The following NTRK1 variants were observed in gnomAD, a reference collection of about 807,000 sequenced individuals.
NTRK1 encodes the protein neurotrophic receptor tyrosine kinase 1.
In NTRK1, 62 loss-of-function variants were observed where a neutral mutation model predicts 86.8. That is an observed-to-expected ratio of 0.71 (90% confidence interval 0.58 to 0.88). The LOEUF (loss-of-function observed/expected upper bound fraction) is 0.88, where lower values mean the gene tolerates loss of function less well. Ranked by LOEUF, NTRK1 falls within the 40% of genes least tolerant of loss-of-function variation. The pLI is 0.00. For synonymous variants in NTRK1, 469 were observed against 456.6 expected (o/e 1.03, Z -0.35); for missense variants, 967 against 1,078.4 (o/e 0.90, Z 1.45).
At chr1:156,816,886 G>T in intron 1 of NTRK1, 1 of 484,602 alleles carries the variant, frequency 2.1e-6, no homozygotes, top group Non-Finnish European at 3.5e-6. Context: ...TAAGACGATT[G>T]TCCCACCCCC....
chr1:156,818,742 G>A (rs1347475028), intron 1 of NTRK1, among the ~76,000 whole-genome samples: 1 of 152,156 alleles, frequency 6.6e-6, no homozygotes. Context: ...ACTTAGGTTG[G>A]TTTCATATCT....
At chr1:156,844,231 C>G (rs1227503710) in intron 2 of NTRK1, 2 of 1,613,934 alleles carry the variant, frequency 1.2e-6, no homozygotes, top group Admixed American at 3.3e-5. Context: ...GCGTGAGCCC[C>G]ACAGGGGTGG....
At chr1:156,817,047 T>TTCTCTCTCTCTCTCTTTC (rs1654010854) in intron 1 of NTRK1, among the ~76,000 whole-genome samples, 1 of 113,782 alleles carries the variant, frequency 8.8e-6, no homozygotes, top group Non-Finnish European at 1.8e-5. Context: ...GAACTTCCCT[T>TTCTCTCTCTCTCTCTTTC]TCTCTCTCTC....
chr1:156,879,059 C>T (rs1393371321), intron 14 of NTRK1, 63 bp from the exon 15 acceptor site: 1 of 1,599,462 alleles, frequency 6.3e-7, no homozygotes, highest in Non-Finnish European at 8.5e-7. Context: ...TGGGGATCGC[C>T]TTCCTCAGGC....
At chr1:156,834,696 C>T (rs1402729700) in intron 1 of NTRK1, among the ~76,000 whole-genome samples, 1 of 151,096 alleles carries the variant, frequency 6.6e-6, no homozygotes, top group Non-Finnish European at 1.5e-5. Context: ...GACAGCATTC[C>T]AGCCTGGGTG....
chr1:156,868,431 C>G, intron 5 of NTRK1, 74 bp from the exon 6 acceptor site: 1 of 1,544,212 alleles, frequency 6.5e-7, no homozygotes, highest in Non-Finnish European at 8.7e-7. Context: ...GGGGAAGGAG[C>G]AGCCCCGCAG....
intron 14 of NTRK1, among the ~76,000 whole-genome samples, chr1:156,877,434 A>G (rs1191990329): frequency 1.3e-5 from 2 of 152,244 alleles, no homozygotes; most frequent in Non-Finnish European, 2.9e-5. Flanking sequence ...AGGTTCAGTG[A>G]CTTGCCCAAG....
intron 14 of NTRK1, among the ~76,000 whole-genome samples, chr1:156,877,381 A>G (rs775913755): frequency 2.0e-5 from 3 of 152,256 alleles, no homozygotes; most frequent in Admixed American, 1.3e-4. Flanking sequence ...GATAATTTTA[A>G]TAACTTCGAG....
intron 5 of NTRK1, 78 bp from the exon 6 acceptor site, chr1:156,868,427 G>A: frequency 1.3e-6 from 2 of 1,546,216 alleles, no homozygotes; most frequent in Non-Finnish European, 8.7e-7. Flanking sequence ...GGTGGGGGAA[G>A]GAGCAGCCCC....
chr1:156,833,732 A>G (rs1014789716), intron 1 of NTRK1, among the ~76,000 whole-genome samples: 3 of 152,152 alleles, frequency 2.0e-5, no homozygotes, highest in Non-Finnish European at 4.4e-5. Flanking sequence ...AACTCTGCCA[A>G]CCACACTTCC....
Position 156,860,906 on chromosome 1 carries a change from C to T in NTRK1, c.-29C>T. ...CAGCTGGGAGCGCACAGACGGCTGCCCCGCCTGAGCGAGGCGGGCGCCGCC... is the reference window on the plus strand; with the variant it reads ...CAGCTGGGAGCGCACAGACGGCTGCTCCGCCTGAGCGAGGCGGGCGCCGCC... On this transcript the variant is annotated 5_prime_UTR_variant, in exon 1 of 17. Transcript: ENST00000524377. 2 of 1,428,594 alleles carry T rather than the reference C, an allele frequency of 1.4e-6. No individual in the cohort carries two copies. Among genetic ancestry groups the T allele is most frequent in the Non-Finnish European group, 1.8e-6 (2 of 1,103,238 alleles). The allele number at this position is 1,428,594 out of a possible 1,614,324, so 88.5% of individuals were successfully genotyped here.
At chr1:156,851,304 G>T (rs141373320) in intron 2 of NTRK1, 7 of 1,614,116 alleles carry the variant, frequency 4.3e-6, no homozygotes, top group Non-Finnish European at 5.9e-6. Flanking sequence ...CCACCATGGC[G>T]TCTCCCCGGA....
At chr1:156,873,063 T>TGTGTGTGTGTGTG (rs1553262072) in intron 7 of NTRK1, among the ~76,000 whole-genome samples, 2 of 40,106 alleles carry the variant, frequency 5.0e-5, no homozygotes, top group Non-Finnish European at 1.2e-4. Context: ...GTGTGTGTGT[T>TGTGTGTGTGTGTG]TGAAGAGATG....
chr1:156,848,078 C>T (rs1655073198), intron 2 of NTRK1, among the ~76,000 whole-genome samples: 1 of 151,992 alleles, frequency 6.6e-6, no homozygotes, highest in African/African-American at 2.4e-5. Flanking sequence ...GGGGGCGAGG[C>T]CCAGGAATCT....
rs374170641 is a variant in NTRK1, at chr1:156,864,745, G to C, written c.305G>C (p.Gly102Ala). The change falls in exon 3 of 17, where the codon GGT becomes GCT. Residue 102 changes from glycine (G) to alanine (A), a missense_variant. This residue lies in a region of NTRK1 where 330 missense variants were observed against 302.0 expected (regional missense o/e 1.09). Transcript: ENST00000524377. The part of the protein sequence containing the change: ...ELRNLTIVKS[G>A]LRFVAPDAFH... ...CTCCCCAGCACCATCGTGAAGAGTG[G>C]TCTCCGTTTCGTGGCGCCAGATGCC... is the stretch of plus-strand genomic sequence containing the variant. The C allele has an allele frequency of 6.2e-7, 1 of 1,614,104 alleles. No individual in the cohort carries two copies. Among genetic ancestry groups the C allele is most frequent in the Non-Finnish European group, 8.5e-7 (1 of 1,179,998 alleles).
chr1:156,866,902 G>A lies in NTRK1; in HGVS notation c.360-8G>A, dbSNP rs554411833. ...GGGGTCTGTCTTGCTGTGTCTCCAC[G>A]CCCGCAGGAATCTCTCCTTCAACGC... is the stretch of plus-strand genomic sequence containing the variant. On this transcript the variant is annotated splice_polypyrimidine_tract_variant and splice_region_variant and intron_variant, in intron 3 of 16. Transcript: ENST00000524377. 82 of 1,614,118 alleles carry A rather than the reference G, an allele frequency of 5.1e-5. No individual in the cohort carries two copies. Among genetic ancestry groups the A allele is most frequent in the Non-Finnish European group, 6.2e-5 (73 of 1,179,968 alleles).
At chr1:156,874,446 C>T (rs1647766992) in intron 9 of NTRK1, 46 bp downstream of exon 9, 1 of 1,613,872 alleles carries the variant, frequency 6.2e-7, no homozygotes, top group Admixed American at 1.7e-5. Flanking sequence ...GTCTCTGGAG[C>T]TGAGGCTGGG....
intron 7 of NTRK1, among the ~76,000 whole-genome samples, chr1:156,872,949 T>G (rs1647646748): frequency 6.6e-6 from 1 of 151,894 alleles, no homozygotes; most frequent in African/African-American, 2.4e-5. Context: ...AGTATTGGAA[T>G]TACAGGCGTG....
intron 1 of NTRK1, among the ~76,000 whole-genome samples, chr1:156,862,566 T>G (rs1324147205): frequency 1.3e-5 from 2 of 152,112 alleles, no homozygotes; most frequent in Non-Finnish European, 2.9e-5. Flanking sequence ...GATGTCCCCC[T>G]GGGTGGGGCT....
Sources: allele counts gnomAD v4.1 joint callset (sites outside exome capture counted in the v4.1 genomes callset), GRCh38; gene constraint gnomAD v4.1.1; regional missense constraint gnomAD v4.1.1; transcripts MANE v1.5; gene names NCBI Gene and HGNC (gene_info 2026-07-23, HGNC 2026-07-21).